The following RMDN2 variants were observed in gnomAD, a reference collection of about 807,000 sequenced individuals.
The protein encoded by RMDN2 is regulator of microtubule dynamics protein 2.
Under a neutral mutation model 52.8 loss-of-function variants are expected in RMDN2, and 61 were observed. The observed-to-expected ratio is 1.16, with a 90% CI of 0.94 to 1.43. The LOEUF (loss-of-function observed/expected upper bound fraction) is 1.43, where lower values mean the gene tolerates loss of function less well. RMDN2 is among the 40% of genes most tolerant of loss of function. The pLI is 0.00. For synonymous variants in RMDN2, 180 were observed against 153.1 expected (o/e 1.18, Z -1.30); for missense variants, 592 against 475.3 (o/e 1.25, Z -2.28).
intron 7 of RMDN2, among the ~76,000 whole-genome samples, chr2:37,996,496 G>A (rs1433488296): frequency 6.7e-6 from 1 of 149,496 alleles, no homozygotes; most frequent in East Asian, 2.0e-4. Flanking sequence ...GAAGTGGGAG[G>A]ATTGTTGAGC....
At chr2:38,007,668 A>G (rs1677312741) in intron 10 of RMDN2, among the ~76,000 whole-genome samples, 1 of 152,102 alleles carries the variant, frequency 6.6e-6, no homozygotes, top group South Asian at 2.1e-4. Context: ...TCCTGGATTC[A>G]TTGATTTTTT....
rs1483054361 is a variant in RMDN2 at position 38,032,261 on chromosome 2, A to T, written c.1713+28045A>T. 2.6e-5 allele frequency among the ~76,000 whole-genome samples: 4 copies of T among 151,966 alleles called. No homozygotes were observed. In the East Asian group the frequency reaches 7.7e-4, roughly 29 times the overall value. Reference sequence around the variant, plus strand: ...CTTCCTTCCCCTCACTCTCCCACCTACCTGTACCACAGCCTCAGGCAACCA... The same window carrying T: ...CTTCCTTCCCCTCACTCTCCCACCTTCCTGTACCACAGCCTCAGGCAACCA... On this transcript the variant is annotated intron_variant, in intron 10 of 10. Transcript: ENST00000234195.
At chr2:37,937,434 A>G (rs950682910) in intron 2 of RMDN2, among the ~76,000 whole-genome samples, 2 of 152,224 alleles carry the variant, frequency 1.3e-5, no homozygotes, top group Non-Finnish European at 2.9e-5. Context: ...TTCTGTGAAG[A>G]AAGTCAATGG....
chr2:38,003,609 C>T (rs201920102), intron 8 of RMDN2, among the ~76,000 whole-genome samples: 4 of 123,552 alleles, frequency 3.2e-5, no homozygotes, highest in African/African-American at 8.5e-5. Flanking sequence ...GATAGGCAGA[C>T]AGACAGACAG....
chr2:38,002,444 G>A (rs1305122147), intron 8 of RMDN2, among the ~76,000 whole-genome samples: 1 of 152,118 alleles, frequency 6.6e-6, no homozygotes, highest in East Asian at 1.9e-4. Flanking sequence ...GTATATCTAT[G>A]CTGACATGAA....
At chr2:37,926,559 TAG>T (rs1246541395) in intron 1 of RMDN2, among the ~76,000 whole-genome samples, 1 of 151,442 alleles carries the variant, frequency 6.6e-6, no homozygotes, top group African/African-American at 2.5e-5. Context: ...ATTAAAATAT[TAG>T]AGTTTTAAAA....
intron 2 of RMDN2, among the ~76,000 whole-genome samples, chr2:37,961,324 C>G (rs192897820): frequency 1.8e-4 from 27 of 152,200 alleles, no homozygotes; most frequent in African/African-American, 6.3e-4. Flanking sequence ...TTCAGGTACA[C>G]CAATCAAACG....
At chr2:37,992,530 C>T (rs1273227356) in intron 7 of RMDN2, among the ~76,000 whole-genome samples, 1 of 152,166 alleles carries the variant, frequency 6.6e-6, no homozygotes, top group South Asian at 2.1e-4. Context: ...GTTTTACTTA[C>T]TGTTTCTTTT....
At chr2:37,928,452 C>T (rs192852455) in intron 1 of RMDN2, among the ~76,000 whole-genome samples, 21 of 152,286 alleles carry the variant, frequency 1.4e-4, no homozygotes, top group African/African-American at 4.3e-4. Context: ...TGGTGAATTT[C>T]GGGTATACAA....
At chr2:38,009,795 A>C (rs1022610761) in intron 10 of RMDN2, among the ~76,000 whole-genome samples, 16 of 152,056 alleles carry the variant, frequency 1.1e-4, no homozygotes, top group Non-Finnish European at 2.1e-4. Flanking sequence ...TCTGATTTTT[A>C]GAGTTTCCAG....
chr2:38,019,890 A>T (rs1043065456), downstream of RMDN2, among the ~76,000 whole-genome samples: 6 of 152,040 alleles, frequency 3.9e-5, no homozygotes, highest in African/African-American at 1.5e-4. Flanking sequence ...GCGCCACTAC[A>T]CTCCACTCTC....
Position 37,947,356 on chromosome 2 carries a change from A to G in RMDN2, c.452+17627A>G, listed in dbSNP as rs192611498. On this transcript the variant is annotated intron_variant, in intron 2 of 10. Coordinates refer to ENST00000354545, the MANE Select transcript of RMDN2 (RefSeq NM_001170791.3). ...ATTTTAATAAACTTCTTTCTCTCAA[A>G]ATAATATATGGATGAGAAAATTCTG... is the stretch of plus-strand genomic sequence containing the variant. 1.1e-3 allele frequency among the ~76,000 whole-genome samples: 162 copies of G among 152,278 alleles called. 3 individuals are homozygous for G. The highest frequency in any genetic ancestry group is 3.8e-3 in the African/African-American group (156 of 41,560).
chr2:37,929,718 A>G lies in RMDN2; in HGVS notation c.441A>G (p.Glu147=). 3 of 1,507,874 alleles carry G rather than the reference A, an allele frequency of 2.0e-6. No individual in the cohort carries two copies. The highest frequency in any genetic ancestry group is 2.6e-6 in the Non-Finnish European group (3 of 1,132,264). 93.4% of individuals were successfully genotyped at this position (1,507,874 alleles called of 1,614,324 possible). Residue 147 remains glutamate, a synonymous_variant, in exon 2 of 11, where the codon GAA becomes GAG. Coordinates refer to ENST00000354545, the MANE Select transcript of RMDN2 (RefSeq NM_001170791.3). ...CAAGTAATAGTTCAGAGGAAGCAGA[A>G]AGTGAAGGAGGGTAAGTTTCTTTAA... ...SATSNSSEEA[E]SEGGYITANT... is the part of the protein sequence containing the mutation.
intron 2 of RMDN2, among the ~76,000 whole-genome samples, chr2:37,954,735 A>C (rs1252195546): frequency 6.6e-6 from 1 of 152,154 alleles, no homozygotes; most frequent in African/African-American, 2.4e-5. Context: ...CTATTTGTAC[A>C]AAAAATATCA....
intron 8 of RMDN2, chr2:37,997,739 CTT>C: frequency 2.2e-6 from 1 of 460,102 alleles, no homozygotes; most frequent in Admixed American, 3.8e-5. Flanking sequence ...TTACAAACTA[CTT>C]TTTAAAAATA....
intron 10 of RMDN2, among the ~76,000 whole-genome samples, chr2:38,039,824 A>G (rs1462860820): frequency 6.6e-6 from 1 of 152,156 alleles, no homozygotes; most frequent in Non-Finnish European, 1.5e-5. Context: ...ACCATGCCAT[A>G]AGGATTAAAT....
chr2:37,955,682 C>A (rs1669360014), intron 2 of RMDN2, among the ~76,000 whole-genome samples: 1 of 152,100 alleles, frequency 6.6e-6, no homozygotes, highest in Non-Finnish European at 1.5e-5. Flanking sequence ...TTTGCTTCTT[C>A]CTCATTTTCT....
At chr2:37,951,991 A>T (rs4670800) in intron 2 of RMDN2, 1 of 1,613,342 alleles carries the variant, frequency 6.2e-7, no homozygotes, top group Non-Finnish European at 8.5e-7. Flanking sequence ...TACAGCACAG[A>T]TCATTCTCCA....
At chr2:37,967,706 C>A (rs1216289101) in intron 2 of RMDN2, among the ~76,000 whole-genome samples, 1 of 152,196 alleles carries the variant, frequency 6.6e-6, no homozygotes, top group Non-Finnish European at 1.5e-5. Context: ...TCTCATCGAA[C>A]AAGGGCAATT....
Sources: gnomAD v4.1 joint callset for allele counts (sites outside exome capture counted in the v4.1 genomes callset) on GRCh38, gnomAD v4.1.1 for gene constraint, MANE v1.5 for transcripts, NCBI Gene and HGNC (gene_info 2026-07-23, HGNC 2026-07-21) for gene names.